Variants in BACE2 observed in about 807,000 individuals in gnomAD.
The protein encoded by BACE2 is beta-secretase 2.
A neutral mutation model predicts 46.2 loss-of-function variants in BACE2; 17 were observed. The observed-to-expected ratio is 0.37, with a 90% CI of 0.25 to 0.55. The LOEUF (loss-of-function observed/expected upper bound fraction) is 0.55. Among genes scored for constraint, BACE2 ranks in the 20% least tolerant of loss-of-function variants. The probability of loss-of-function intolerance (pLI) is 0.82; values close to 1 mark genes in which losing one functional copy is unlikely to be tolerated. For synonymous variants in BACE2, 277 were observed against 295.9 expected, an observed-to-expected ratio of 0.94 and a Z score of 0.66; for missense variants, 595 against 698.1, an observed-to-expected ratio of 0.85 and a Z score of 1.66.
At chr21:41,244,293 A>G (rs1303751839) in intron 5 of BACE2, among the ~76,000 whole-genome samples, 1 of 152,210 alleles carries the variant, frequency 6.6e-6, no homozygotes, top group Non-Finnish European at 1.5e-5. Context: ...AGGAGACCAC[A>G]AAACAGGCTT....
chr21:41,221,894 A>G (rs1986667566), intron 1 of BACE2, among the ~76,000 whole-genome samples: 1 of 151,666 alleles, frequency 6.6e-6, no homozygotes, highest in South Asian at 2.1e-4. Flanking sequence ...ACAGGCATGC[A>G]CGGCAGACAG....
chr21:41,203,451 T>C (rs1256757406), intron 1 of BACE2, among the ~76,000 whole-genome samples: 4 of 151,956 alleles, frequency 2.6e-5, no homozygotes, highest in Non-Finnish European at 5.9e-5. Context: ...TGGTGGAGCC[T>C]GGTAGGTGAG....
intron 1 of BACE2, among the ~76,000 whole-genome samples, chr21:41,206,016 G>T (rs1340399108): frequency 1.3e-5 from 2 of 152,190 alleles, no homozygotes; most frequent in Admixed American, 6.5e-5. Context: ...ATAGCAAAAG[G>T]TGGAAACAAC....
chr21:41,241,691 A>T, intron 3 of BACE2, 128 bp from the exon 4 acceptor site: 2 of 1,045,466 alleles, frequency 1.9e-6, no homozygotes, highest in Non-Finnish European at 2.8e-6. Flanking sequence ...AAGCTGGTGT[A>T]CTGTTGAACC....
In BACE2 at chr21:41,211,520, T is replaced by C. The variant is rs184530999; in HGVS notation, c.313-14746T>C. 2.6e-5 allele frequency among the ~76,000 whole-genome samples: 4 copies of C among 152,354 alleles called. No homozygotes were observed. In the East Asian group the frequency reaches 7.7e-4, roughly 29 times the overall value. On this transcript the variant is annotated intron_variant, in intron 1 of 8. Transcript: ENST00000330333. ...GATGTGTTTAAGTAAATGAGATTCA[T>C]TTCTAGAACTGAAGCGCTGAAAGAG...
intron 1 of BACE2, among the ~76,000 whole-genome samples, chr21:41,219,442 T>C (rs1192894902): frequency 6.6e-6 from 1 of 152,112 alleles, no homozygotes; most frequent in Non-Finnish European, 1.5e-5. Flanking sequence ...TGGATGCAAA[T>C]TGATAAATTC....
intron 6 of BACE2, among the ~76,000 whole-genome samples, chr21:41,249,950 C>T (rs375873476): frequency 3.9e-5 from 6 of 152,320 alleles, no homozygotes; most frequent in African/African-American, 1.4e-4. Flanking sequence ...TGTTGCCGGC[C>T]ACCTTTTGTC....
intron 1 of BACE2, among the ~76,000 whole-genome samples, chr21:41,217,730 A>G (rs1986516290): frequency 6.6e-6 from 1 of 152,218 alleles, no homozygotes; most frequent in African/African-American, 2.4e-5. Context: ...TGATAATCCT[A>G]AGCTGGATGC....
chr21:41,259,821 C>A (rs934297720), intron 8 of BACE2, among the ~76,000 whole-genome samples: 9 of 151,212 alleles, frequency 6.0e-5, no homozygotes, highest in South Asian at 2.1e-4. Flanking sequence ...TCTTTTTTTT[C>A]TTTTTTTATT....
At chr21:41,273,098 G>A (rs1310735103) in intron 8 of BACE2, among the ~76,000 whole-genome samples, 1 of 152,140 alleles carries the variant, frequency 6.6e-6, no homozygotes, top group African/African-American at 2.4e-5. Flanking sequence ...TTTTCAAAGG[G>A]GAGGGAGTGT....
chr21:41,198,303 A>T (rs755852201), intron 1 of BACE2, among the ~76,000 whole-genome samples: 1 of 152,078 alleles, frequency 6.6e-6, no homozygotes, highest in Non-Finnish European at 1.5e-5. Context: ...CAAAATATAT[A>T]TTTTTTGATG....
intron 1 of BACE2, chr21:41,180,999 G>A (rs1408095570): frequency 6.0e-6 from 1 of 167,052 alleles, no homozygotes; most frequent in East Asian, 1.9e-4. Flanking sequence ...ACTCATGGTA[G>A]GCAAAGCCAC....
At chr21:41,272,386 T>G (rs2088442833) in intron 8 of BACE2, among the ~76,000 whole-genome samples, 1 of 152,066 alleles carries the variant, frequency 6.6e-6, no homozygotes, top group Admixed American at 6.5e-5. Context: ...TTTTCAAATA[T>G]TTTTTGCCTC....
chr21:41,240,297 A>G (rs1046011847), intron 3 of BACE2, among the ~76,000 whole-genome samples: 3 of 152,218 alleles, frequency 2.0e-5, no homozygotes, highest in African/African-American at 7.2e-5. Flanking sequence ...CTAACACTAT[A>G]GCTGCCTGGG....
At chr21:41,204,852 T>C (rs562851164) in intron 1 of BACE2, among the ~76,000 whole-genome samples, 4 of 152,240 alleles carry the variant, frequency 2.6e-5, no homozygotes, top group Non-Finnish European at 5.9e-5. Flanking sequence ...TAATGCTTTC[T>C]TGTGAGAAAT....
Position 41,281,724 on chromosome 21 carries a change from T to G in BACE2, c.*6100T>G, listed in dbSNP as rs76720831. 2.7e-3 allele frequency: 415 copies of G among 152,334 alleles called. 3 individuals carry two copies. Among genetic ancestry groups the G allele is most frequent in the African/African-American group, 9.5e-3 (397 of 41,578 alleles). 9.4% of individuals were successfully genotyped at this position (152,334 alleles called of 1,614,324 possible). ...GTGAACAAAGCTAATTAATCTATCA[T>G]GAAAATTGCACAAAATAACATTTCT... On this transcript the variant is annotated 3_prime_UTR_variant, in exon 9 of 9. Transcript: ENST00000330333.
chr21:41,221,640 A>G (rs1986652992), intron 1 of BACE2, among the ~76,000 whole-genome samples: 1 of 152,070 alleles, frequency 6.6e-6, no homozygotes, highest in Non-Finnish European at 1.5e-5. Flanking sequence ...CCTGGCTAAC[A>G]CGGTGAAACC....
chr21:41,205,550 A>G (rs1986097455), intron 1 of BACE2, among the ~76,000 whole-genome samples: 1 of 152,232 alleles, frequency 6.6e-6, no homozygotes, highest in Admixed American at 6.5e-5. Context: ...GTGGTTGGCA[A>G]TTCGCTTCCC....
intron 2 of BACE2, among the ~76,000 whole-genome samples, chr21:41,232,852 G>A (rs951090047): frequency 1.3e-5 from 2 of 151,604 alleles, no homozygotes; most frequent in Non-Finnish European, 2.9e-5. Flanking sequence ...ATGCAAACAT[G>A]GCCTAACAGA....
Sources: gnomAD v4.1 joint callset for allele counts (sites outside exome capture counted in the v4.1 genomes callset) on GRCh38, gnomAD v4.1.1 for gene constraint, MANE v1.5 for transcripts, NCBI Gene and HGNC (gene_info 2026-07-23, HGNC 2026-07-21) for gene names.